Variants in TTC36 observed in about 807,000 individuals in gnomAD.
TTC36 encodes tetratricopeptide repeat domain 36.
A neutral mutation model predicts 17.5 loss-of-function variants in TTC36; 15 were observed. The ratio of observed to expected loss-of-function variants is 0.86; its 90% CI spans 0.57 to 1.32. TTC36 has a LOEUF of 1.32. TTC36 is among the 40% of genes most tolerant of loss of function. The pLI is 0.00. For missense variants in TTC36, 292 were observed against 260.9 expected (o/e 1.12, Z -0.82); for synonymous variants, 112 against 109.8 (o/e 1.02, Z -0.13).
chr11:118,530,022 G>A lies in TTC36; in HGVS notation c.308-632G>A, dbSNP rs1199920938. Among the ~76,000 whole-genome samples, 1 of 152,214 alleles carries A rather than the reference G, an allele frequency of 6.6e-6. No individual in the cohort carries two copies. The highest frequency in any genetic ancestry group is 1.5e-5 in the Non-Finnish European group (1 of 68,042). Reference sequence around the variant, plus strand: ...ATAACAATAAAAATGGTGCAGGCCAGCTCTGGCTCCAGGACCAAGGAAATT... The same window carrying A: ...ATAACAATAAAAATGGTGCAGGCCAACTCTGGCTCCAGGACCAAGGAAATT... On this transcript the variant is annotated intron_variant, in intron 2 of 2. Transcript: ENST00000302783. The surrounding 1 kb of genome is among the most constrained non-coding windows in gnomAD (Gnocchi z 5.8).
chr11:118,528,686 A>C lies in TTC36; in HGVS notation c.202A>C (p.Ser68Arg), dbSNP rs1951134218. 1 of 1,613,056 alleles carries C rather than the reference A, an allele frequency of 6.2e-7. No individual in the cohort carries two copies. The highest frequency in any genetic ancestry group is 8.5e-7 in the Non-Finnish European group (1 of 1,179,514). ...GVMAAEAGDLSTALERFGQAI... is the reference protein window; with the variant it reads ...GVMAAEAGDLRTALERFGQAI... The stretch of plus-strand genomic sequence containing the variant: ...GATGGCAGCAGAGGCTGGGGACCTC[A>C]GCACAGCCCTGGAGAGGTTTGGCCA... The change falls in exon 2 of 3, where the codon AGC becomes CGC. Residue 68 changes from serine (S) to arginine (R), a missense_variant. Physicochemically the swap from Ser to Arg is moderately radical, Grantham distance 110. Coordinates refer to ENST00000302783, the MANE Select transcript of TTC36 (RefSeq NM_001080441.4).
chr11:118,530,580 G>A lies in TTC36; in HGVS notation c.308-74G>A. 3 of 1,345,188 alleles carry A rather than the reference G, an allele frequency of 2.2e-6. No individual in the cohort carries two copies. Among genetic ancestry groups the A allele is most frequent in the Non-Finnish European group, 2.8e-6 (3 of 1,057,298 alleles). The allele number at this position is 1,345,188 out of a possible 1,614,324, so 83.3% of individuals were successfully genotyped here. A position where few individuals can be genotyped will look rare whatever the true frequency, so the allele number is the denominator to read the frequency against. ...AACCACGGTGATCCGCGCGGCCGCA[G>A]GTGGGCTGGGGCTCGGGCAAGGCCG... On this transcript the variant is annotated intron_variant, in intron 2 of 2. Coordinates refer to ENST00000302783, the MANE Select transcript of TTC36 (RefSeq NM_001080441.4). The surrounding 1 kb of genome is among the most constrained non-coding windows in gnomAD (Gnocchi z 5.8).
At position 118,530,798 on chromosome 11, in the gene TTC36, G is replaced by C. The variant is rs1555057437; in HGVS notation, c.452G>C (p.Arg151Pro). Residue 151 changes from arginine (R) to proline (P), a missense_variant, in exon 3 of 3, where the codon CGG becomes CCG. By Grantham distance (103) the Arg-to-Pro change is moderately radical (BLOSUM62 -2). Transcript: ENST00000302783. This position sits in a 1 kb window ranked among gnomAD's most constrained non-coding sequence, Gnocchi z 5.8. ...CGCAGGGACTTCGAGAGGGCGGCAC[G>C]GCTGGGCAGCCCCTTCGCGCGGCGC... is the stretch of plus-strand genomic sequence containing the variant. The part of the protein sequence containing the change: ...DARRDFERAA[R>P]LGSPFARRQL... 5.3e-6 allele frequency: 8 copies of C among 1,505,366 alleles called. No individual in the cohort carries two copies. The highest frequency in any genetic ancestry group is 7.0e-6 in the Non-Finnish European group (8 of 1,135,706). 93.3% of individuals were successfully genotyped at this position (1,505,366 alleles called of 1,614,324 possible). A position where few individuals can be genotyped will look rare whatever the true frequency, so the allele number is the denominator to read the frequency against.
chr11:118,528,615 C>G lies in TTC36; in HGVS notation c.131C>G (p.Pro44Arg). 1.3e-6 allele frequency: 2 copies of G among 1,571,310 alleles called. No homozygotes were observed. Among genetic ancestry groups the G allele is most frequent in the Non-Finnish European group, 1.7e-6 (2 of 1,155,760 alleles). ...TTCCCTGGCCCAGATGAAGTTTTCCCTCAAGCACAGCTGGAACAGTCCAAG... is the reference window on the plus strand; with the variant it reads ...TTCCCTGGCCCAGATGAAGTTTTCCGTCAAGCACAGCTGGAACAGTCCAAG... Reference protein sequence around the residue: ...KEEREEDEVFPQAQLEQSKAL... With the variant: ...KEEREEDEVFRQAQLEQSKAL... The change falls in exon 2 of 3, where the codon CCT becomes CGT. Residue 44 changes from proline (P) to arginine (R), a missense_variant. Transcript: ENST00000302783.
At chr11:118,528,009 A>T in intron 1 of TTC36, 1 of 460,324 alleles carries the variant, frequency 2.2e-6, no homozygotes, top group Non-Finnish European at 4.4e-6. Flanking sequence ...CACAACCAGT[A>T]ACCGTTAAAC....
intron 1 of TTC36, among the ~76,000 whole-genome samples, chr11:118,528,385 A>G (rs148118632): frequency 0.013 from 1,977 of 152,204 alleles, 18 homozygotes; most frequent in Non-Finnish European, 0.02. Flanking sequence ...TGGGGAACCA[A>G]CCAAGGCCCC....
chr11:118,527,849 AC>A (rs1951112943), intron 1 of TTC36: 1 of 603,638 alleles, frequency 1.7e-6, no homozygotes, highest in African/African-American at 1.8e-5. Context: ...CTCTGAACTT[AC>A]CACTTAATTG....
At position 118,530,817 on chromosome 11, in the gene TTC36, G is replaced by C; in HGVS notation, c.471G>C (p.Ala157=). Residue 157 remains alanine, a synonymous_variant, in exon 3 of 3, where the codon GCG becomes GCC. Coordinates refer to ENST00000302783, the MANE Select transcript of TTC36 (RefSeq NM_001080441.4). This position sits in a 1 kb window ranked among gnomAD's most constrained non-coding sequence, Gnocchi z 5.8. The part of the protein sequence containing the change: ...ERAARLGSPF[A]RRQLVLLNPY... ...CGGCACGGCTGGGCAGCCCCTTCGCGCGGCGCCAGCTGGTGCTGCTCAACC... is the reference window on the plus strand; with the variant it reads ...CGGCACGGCTGGGCAGCCCCTTCGCCCGGCGCCAGCTGGTGCTGCTCAACC... 6.7e-7 allele frequency: 1 copy of C among 1,503,412 alleles called. No homozygotes were observed. 93.1% of individuals were successfully genotyped at this position (1,503,412 alleles called of 1,614,324 possible).
chr11:118,528,047 C>T, intron 1 of TTC36: 1 of 454,464 alleles, frequency 2.2e-6, no homozygotes, highest in Non-Finnish European at 4.4e-6. Flanking sequence ...TCCAAACTAA[C>T]TCTTCCGCAG....
In TTC36 at chr11:118,528,589, C is replaced by T; in HGVS notation, c.119-14C>T. ...CTGCACACCTGGCTTCTCCTGGCTC[C>T]TTCCCTGGCCCAGATGAAGTTTTCC... On this transcript the variant is annotated splice_polypyrimidine_tract_variant and intron_variant, in intron 1 of 2. Coordinates refer to ENST00000302783, the MANE Select transcript of TTC36 (RefSeq NM_001080441.4). 3.2e-6 allele frequency: 5 copies of T among 1,544,720 alleles called. No individual in the cohort carries two copies. The highest frequency in any genetic ancestry group is 4.4e-6 in the Non-Finnish European group (5 of 1,141,876).
chr11:118,527,646 TAGGC>T, intron 1 of TTC36, 34 bp downstream of exon 1: 1 of 1,531,774 alleles, frequency 6.5e-7, no homozygotes, highest in Non-Finnish European at 9.0e-7. Flanking sequence ...GCTCTGCACA[TAGGC>T]TGGCCTGCTG....
intron 2 of TTC36, among the ~76,000 whole-genome samples, chr11:118,529,081 T>C (rs1250276644): frequency 3.3e-5 from 5 of 152,234 alleles, no homozygotes; most frequent in Non-Finnish European, 2.9e-5. Context: ...CCAACATTTA[T>C]ATAGCAGTCA....
Position 118,530,235 on chromosome 11 carries a change from T to C in TTC36, c.308-419T>C, listed in dbSNP as rs894735731. Among the ~76,000 whole-genome samples, 4 of 152,230 alleles carry C rather than the reference T, an allele frequency of 2.6e-5. No individual in the cohort carries two copies. Among genetic ancestry groups the C allele is most frequent in the African/African-American group, 9.6e-5 (4 of 41,464 alleles). ...TAATATTATTTTTTGAACCCTGACA[T>C]TCAGAGTCAGTCACCTGGCACATAG... On this transcript the variant is annotated intron_variant, in intron 2 of 2. Coordinates refer to ENST00000302783, the MANE Select transcript of TTC36 (RefSeq NM_001080441.4). This position sits in a 1 kb window ranked among gnomAD's most constrained non-coding sequence, Gnocchi z 5.8.
chr11:118,530,631 C>T lies in TTC36; in HGVS notation c.308-23C>T, dbSNP rs1360454386. The T allele has an allele frequency of 1.8e-5, 25 of 1,411,142 alleles. No individual in the cohort carries two copies. The highest frequency in any genetic ancestry group is 2.1e-5 in the Non-Finnish European group (23 of 1,093,834). 87.4% of individuals were successfully genotyped at this position (1,411,142 alleles called of 1,614,324 possible). On this transcript the variant is annotated intron_variant, in intron 2 of 2. Transcript: ENST00000302783. The surrounding 1 kb of genome is among the most constrained non-coding windows in gnomAD (Gnocchi z 5.8). ...CCCTGGCCTCCGCTGACCCCCGCCC[C>T]GCCCGTCTCGTCGGTCCCGCAGGCG... is the stretch of plus-strand genomic sequence containing the variant.
rs782352035 is a variant in TTC36, at chr11:118,530,807, GC to G, written c.465del (p.Phe156SerfsTer23). ...RDFERAARLG[S>X]PFARRQLVLL... ...TTCGAGAGGGCGGCACGGCTGGGCA[GC>G]CCCTTCGCGCGGCGCCAGCTGGTGC... On this transcript the variant is annotated frameshift_variant, in exon 3 of 3. Coordinates refer to ENST00000302783, the MANE Select transcript of TTC36 (RefSeq NM_001080441.4). LOFTEE classifies it high-confidence loss of function. This position sits in a 1 kb window ranked among gnomAD's most constrained non-coding sequence, Gnocchi z 5.8. The G allele has an allele frequency of 1.3e-6, 2 of 1,503,694 alleles. No homozygotes were observed. Among genetic ancestry groups the G allele is most frequent in the African/African-American group, 1.4e-5 (1 of 69,040 alleles). 93.1% of individuals were successfully genotyped at this position (1,503,694 alleles called of 1,614,324 possible).
Position 118,530,885 on chromosome 11 carries a change from G to C in TTC36, c.539G>C (p.Gly180Ala). ...LCNRMLADMMGQLRRPRDSR is the reference protein window; with the variant it reads ...LCNRMLADMMAQLRRPRDSR ...AACCGCATGCTGGCCGACATGATGGGGCAGCTGCGCCGCCCCCGTGACAGC... is the reference window on the plus strand; with the variant it reads ...AACCGCATGCTGGCCGACATGATGGCGCAGCTGCGCCGCCCCCGTGACAGC... Residue 180 changes from glycine (G) to alanine (A), a missense_variant, in exon 3 of 3, where the codon GGG becomes GCG. Transcript: ENST00000302783. The surrounding 1 kb of genome is among the most constrained non-coding windows in gnomAD (Gnocchi z 5.8). 1 of 1,505,974 alleles carries C rather than the reference G, an allele frequency of 6.6e-7. No homozygotes were observed. Among genetic ancestry groups the C allele is most frequent in the Non-Finnish European group, 8.8e-7 (1 of 1,134,678 alleles). The allele number at this position is 1,505,974 out of a possible 1,614,324, so 93.3% of individuals were successfully genotyped here.
chr11:118,530,947 G>A lies in TTC36; in HGVS notation c.*31G>A. On this transcript the variant is annotated 3_prime_UTR_variant, in exon 3 of 3. Coordinates refer to ENST00000302783, the MANE Select transcript of TTC36 (RefSeq NM_001080441.4). This position sits in a 1 kb window ranked among gnomAD's most constrained non-coding sequence, Gnocchi z 5.8. ...GCGGACCCGGGCGTCCGCGGGCGAG[G>A]GGACGGGACTGGGCCCTGAACCAAT... 1 of 1,477,936 alleles carries A rather than the reference G, an allele frequency of 6.8e-7. No individual in the cohort carries two copies. The highest frequency in any genetic ancestry group is 2.8e-5 in the East Asian group (1 of 35,944). 91.6% of individuals were successfully genotyped at this position (1,477,936 alleles called of 1,614,324 possible).
At chr11:118,528,396 T>C (rs1951125859) in intron 1 of TTC36, among the ~76,000 whole-genome samples, 1 of 152,120 alleles carries the variant, frequency 6.6e-6, no homozygotes, top group African/African-American at 2.4e-5. Context: ...CCAAGGCCCC[T>C]TCCCAGGTCT....
rs552582178 is a variant in TTC36, at chr11:118,530,695, G to C, written c.349G>C (p.Gly117Arg). The C allele has an allele frequency of 1.7e-4, 249 of 1,477,040 alleles. 2 individuals carry two copies. The African/African-American group carries it at 3.3e-3, about 19-fold the overall frequency. 91.5% of individuals were successfully genotyped at this position (1,477,040 alleles called of 1,614,324 possible). ...DLERAVELSG[G>R]RGRAARQSFV... Reference sequence around the variant, plus strand: ...GGAACGCGCGGTGGAGCTGAGCGGCGGCCGGGGCCGCGCCGCCCGCCAGAG... The same window carrying C: ...GGAACGCGCGGTGGAGCTGAGCGGCCGCCGGGGCCGCGCCGCCCGCCAGAG... The change falls in exon 3 of 3, where the codon GGC becomes CGC. Residue 117 changes from glycine (G) to arginine (R), a missense_variant. Physicochemically the swap from Gly to Arg is moderately radical, Grantham distance 125. Coordinates refer to ENST00000302783, the MANE Select transcript of TTC36 (RefSeq NM_001080441.4). This position sits in a 1 kb window ranked among gnomAD's most constrained non-coding sequence, Gnocchi z 5.8.
Sources: gnomAD v4.1 joint callset for allele counts (sites outside exome capture counted in the v4.1 genomes callset) on GRCh38, gnomAD v4.1.1 for gene constraint, Gnocchi (gnomAD v3.1) non-coding constraint, MANE v1.5 for transcripts, NCBI Gene and HGNC (gene_info 2026-07-23, HGNC 2026-07-21) for gene names.